Variants in RAMP1 observed in about 807,000 individuals in gnomAD.
RAMP1 encodes the protein receptor activity modifying protein 1.
Under a neutral mutation model 8.2 loss-of-function variants are expected in RAMP1, and 7 were observed. The observed-to-expected ratio is 0.85, with a 90% confidence interval of 0.49 to 1.60. The LOEUF is 1.60. Ranked by LOEUF, RAMP1 falls within the 40% of genes most tolerant of loss-of-function variation. The probability of loss-of-function intolerance (pLI) is 0.00; values close to 1 mark genes in which losing one functional copy is unlikely to be tolerated. For synonymous variants in RAMP1, 92 were observed against 84.7 expected, an observed-to-expected ratio of 1.09 and a Z score of -0.47; for missense variants, 192 against 202.4, an observed-to-expected ratio of 0.95 and a Z score of 0.31.
rs1188944377 is a variant in RAMP1 at position 237,877,138 on chromosome 2, CG to C, written c.53-83del. 1 of 1,581,076 alleles carries C rather than the reference CG, an allele frequency of 6.3e-7. No homozygotes were observed. The highest frequency in any genetic ancestry group is 8.6e-7 in the Non-Finnish European group (1 of 1,160,090). ...TTAGAGGCCCCGTTCTCGTGGAGTC[CG>C]GGCTGCAGGGGCGCGCGGGCTGGCG... On this transcript the variant is annotated intron_variant, in intron 1 of 2. Transcript: ENST00000254661. This position sits in a 1 kb window ranked among gnomAD's most constrained non-coding sequence, Gnocchi z 4.4.
intron 2 of RAMP1, among the ~76,000 whole-genome samples, chr2:237,902,034 G>A (rs1005597795): frequency 2.0e-5 from 3 of 152,170 alleles, no homozygotes; most frequent in Non-Finnish European, 4.4e-5. Flanking sequence ...GGGGCCCTGA[G>A]TCACATGTGT....
chr2:237,898,079 G>A (rs1265686279), intron 2 of RAMP1, among the ~76,000 whole-genome samples: 2 of 152,198 alleles, frequency 1.3e-5, no homozygotes, highest in South Asian at 2.1e-4. Flanking sequence ...GATTGCAGGC[G>A]GGAACCACTG....
intron 1 of RAMP1, among the ~76,000 whole-genome samples, chr2:237,876,565 G>T (rs540977143): frequency 6.6e-6 from 1 of 152,316 alleles, no homozygotes; most frequent in Non-Finnish European, 1.5e-5. Flanking sequence ...TGCCCTACGA[G>T]GTGGCCAAGA....
chr2:237,903,952 T>G (rs1008849629), intron 2 of RAMP1, among the ~76,000 whole-genome samples: 2 of 152,236 alleles, frequency 1.3e-5, no homozygotes, highest in African/African-American at 4.8e-5. Context: ...TTTCCCAGGC[T>G]GCTCTCAAAC....
intron 2 of RAMP1, among the ~76,000 whole-genome samples, chr2:237,882,900 C>CCAGA (rs2151011985): frequency 6.6e-6 from 1 of 152,126 alleles, no homozygotes; most frequent in African/African-American, 2.4e-5. Flanking sequence ...CGGCAGGCAG[C>CCAGA]CAGACAGCCA....
intron 1 of RAMP1, among the ~76,000 whole-genome samples, chr2:237,860,609 A>C (rs1180263823): frequency 1.3e-5 from 2 of 152,200 alleles, no homozygotes; most frequent in East Asian, 3.8e-4. Flanking sequence ...CTACCTTTTA[A>C]CGGAAACTGT....
At chr2:237,889,954 A>G (rs1328717029) in intron 2 of RAMP1, among the ~76,000 whole-genome samples, 1 of 152,078 alleles carries the variant, frequency 6.6e-6, no homozygotes, top group East Asian at 1.9e-4. Flanking sequence ...TAGGAAAACT[A>G]CCATGGACCT....
At chr2:237,871,596 C>G (rs563035580) in intron 1 of RAMP1, among the ~76,000 whole-genome samples, 1 of 152,276 alleles carries the variant, frequency 6.6e-6, no homozygotes, top group African/African-American at 2.4e-5. Flanking sequence ...CTCCACCGCC[C>G]CCCGACCCCA....
At chr2:237,860,795 G>GGA (rs1421359207) in intron 1 of RAMP1, among the ~76,000 whole-genome samples, 1 of 152,200 alleles carries the variant, frequency 6.6e-6, no homozygotes, top group African/African-American at 2.4e-5. Context: ...TGTAGCTGGG[G>GGA]GAGTGGTTCG....
chr2:237,885,452 A>G (rs1429901949), intron 2 of RAMP1, among the ~76,000 whole-genome samples: 1 of 152,230 alleles, frequency 6.6e-6, no homozygotes, highest in Non-Finnish European at 1.5e-5. Flanking sequence ...GGGTTTGTTC[A>G]TGGCGGTGTC....
chr2:237,880,161 G>A (rs1422836179), intron 2 of RAMP1, among the ~76,000 whole-genome samples: 1 of 152,000 alleles, frequency 6.6e-6, no homozygotes, highest in Non-Finnish European at 1.5e-5. Context: ...CTGTCGATGT[G>A]TCACACGGCA....
At chr2:237,863,872 C>T (rs1417989731) in intron 1 of RAMP1, among the ~76,000 whole-genome samples, 2 of 151,650 alleles carry the variant, frequency 1.3e-5, no homozygotes, top group African/African-American at 4.9e-5. Flanking sequence ...ATCCCAAAAC[C>T]CCAGGCCCCG....
At chr2:237,881,484 T>G (rs1349848343) in intron 2 of RAMP1, among the ~76,000 whole-genome samples, 1 of 152,156 alleles carries the variant, frequency 6.6e-6, no homozygotes, top group Non-Finnish European at 1.5e-5. Context: ...AGGAGGAATG[T>G]GTTAGGTTTT....
intron 2 of RAMP1, among the ~76,000 whole-genome samples, chr2:237,901,353 A>G (rs1333696969): frequency 6.6e-6 from 1 of 152,228 alleles, no homozygotes; most frequent in Non-Finnish European, 1.5e-5. Context: ...GAATAATCAC[A>G]TGAGTTCATG....
chr2:237,867,337 T>G (rs2062197717), intron 1 of RAMP1, among the ~76,000 whole-genome samples: 1 of 151,936 alleles, frequency 6.6e-6, no homozygotes, highest in Non-Finnish European at 1.5e-5. Context: ...AGAGGAGGGG[T>G]TGGTCTTGCT....
At chr2:237,901,052 C>T (rs1257945448) in intron 2 of RAMP1, among the ~76,000 whole-genome samples, 4 of 152,264 alleles carry the variant, frequency 2.6e-5, no homozygotes, top group South Asian at 2.1e-4. Context: ...CTGGCAGCTG[C>T]GGGCTGTCTG....
intron 1 of RAMP1, among the ~76,000 whole-genome samples, chr2:237,875,403 G>A (rs1344891660): frequency 6.6e-6 from 1 of 152,094 alleles, no homozygotes; most frequent in Non-Finnish European, 1.5e-5. Context: ...GGAGGAGGCT[G>A]TTCTGCCCTC....
At chr2:237,874,329 C>A (rs191094238) in intron 1 of RAMP1, among the ~76,000 whole-genome samples, 1 of 152,136 alleles carries the variant, frequency 6.6e-6, no homozygotes, top group Non-Finnish European at 1.5e-5. Context: ...GGCCCCTGCA[C>A]CTGCATTCGC....
chr2:237,887,711 T>C (rs1327089401), intron 2 of RAMP1, among the ~76,000 whole-genome samples: 1 of 152,214 alleles, frequency 6.6e-6, no homozygotes, highest in Non-Finnish European at 1.5e-5. Flanking sequence ...GACCAAGGCA[T>C]GTGGATCACT....
Sources: gnomAD v4.1 joint callset for allele counts (sites outside exome capture counted in the v4.1 genomes callset) on GRCh38, gnomAD v4.1.1 for gene constraint, Gnocchi (gnomAD v3.1) non-coding constraint, MANE v1.5 for transcripts, NCBI Gene and HGNC (gene_info 2026-07-23, HGNC 2026-07-21) for gene names.